SPG7: variants seen among roughly 807,000 people sequenced by gnomAD.
SPG7 encodes mitochondrial inner membrane m-AAA protease component paraplegin.
A neutral mutation model predicts 81.9 loss-of-function variants in SPG7; 103 were observed. The ratio of observed to expected loss-of-function variants is 1.26; its 90% confidence interval spans 1.07 to 1.48. The LOEUF is 1.48. Ranked by LOEUF, SPG7 falls within the 40% of genes most tolerant of loss-of-function variation. SPG7 has a pLI of 0.00. For missense variants in SPG7, 1,241 were observed against 1,087.3 expected (o/e 1.14, Z -1.99); for synonymous variants, 534 against 444.2 (o/e 1.20, Z -2.54).
At chr16:89,550,342 T>C in intron 12 of SPG7, 152 bp from the exon 13 acceptor site, 1 of 664,554 alleles carries the variant, frequency 1.5e-6, no homozygotes, top group Non-Finnish European at 2.8e-6. Context: ...CTAGCTAATT[T>C]TTCTATTTTT....
intron 3 of SPG7, chr16:89,521,830 G>A (rs1382294582): frequency 6.6e-6 from 1 of 152,250 alleles, no homozygotes; most frequent in Non-Finnish European, 1.5e-5. Flanking sequence ...TCACAGAGCT[G>A]AAGGAGCAGC....
intron 2 of SPG7, among the ~76,000 whole-genome samples, chr16:89,510,834 G>T (rs553505314): frequency 3.3e-5 from 5 of 152,148 alleles, no homozygotes; most frequent in Admixed American, 6.5e-5. Flanking sequence ...TCGGCTAATT[G>T]TTTTTTGTAG....
intron 3 of SPG7, chr16:89,523,034 C>G (rs1182208443): frequency 6.5e-6 from 1 of 154,460 alleles, no homozygotes; most frequent in Non-Finnish European, 1.4e-5. Context: ...ACCTGTCCAC[C>G]TCCCCTCGAG....
chr16:89,544,567 G>A (rs2058538923), intron 9 of SPG7, 81 bp from the exon 10 acceptor site: 25 of 1,542,830 alleles, frequency 1.6e-5, no homozygotes, highest in Non-Finnish European at 2.1e-5. Context: ...TCCCTCCTGT[G>A]TCCTGAAGGG....
In SPG7 at chr16:89,554,524, CGA is replaced by C; in HGVS notation, c.2145_2146del (p.Lys716GlyfsTer25). ...LLVAKAYRHT[E>X]KVLQDNLDKL... ...TGGTGGCCAAGGCCTACAGACACAC[CGA>C]GAAGGTGCTGCAGGACAACCTGGAC... On this transcript the variant is annotated frameshift_variant, in exon 16 of 17. Transcript: ENST00000645818. LOFTEE classifies it low-confidence loss of function (END_TRUNC). The C allele has an allele frequency of 6.2e-7, 1 of 1,609,626 alleles. No homozygotes were observed.
At chr16:89,517,610 CG>C (rs2058118658) in intron 3 of SPG7, 2 of 147,422 alleles carry the variant, frequency 1.4e-5, no homozygotes, top group African/African-American at 2.5e-5. Context: ...GAGTAATTGT[CG>C]TCGTCTTTTT....
At chr16:89,553,689 G>C in intron 14 of SPG7, 105 bp from the exon 15 acceptor site, 1 of 1,115,472 alleles carries the variant, frequency 9.0e-7, no homozygotes, top group Non-Finnish European at 1.4e-6. Context: ...GGAGGAAGGG[G>C]ATGGAGGTGG....
chr16:89,532,806 C>T lies in SPG7; in HGVS notation c.1324+170C>T, dbSNP rs973277608. On this transcript the variant is annotated intron_variant, in intron 9 of 16. Transcript: ENST00000645818. Reference sequence around the variant, plus strand: ...AAAATAGAAATGTAGCTTTCAGACCCGGCGCAGTGGCTCACGCCTGTAATC... The same window carrying T: ...AAAATAGAAATGTAGCTTTCAGACCTGGCGCAGTGGCTCACGCCTGTAATC... 47 of 802,308 alleles carry T rather than the reference C, an allele frequency of 5.9e-5. No homozygotes were observed. In the East Asian group the frequency reaches 1.1e-3, roughly 19 times the overall value. 49.7% of individuals were successfully genotyped at this position (802,308 alleles called of 1,614,324 possible).
intron 7 of SPG7, 33 bp from the exon 8 acceptor site, chr16:89,531,871 G>A (rs980276076): frequency 1.2e-6 from 2 of 1,613,206 alleles, no homozygotes; most frequent in East Asian, 4.5e-5. Context: ...GAATCCCCAA[G>A]TAGTTAGTGT....
intron 7 of SPG7, 32 bp downstream of exon 7, chr16:89,530,840 G>A: frequency 6.2e-7 from 1 of 1,613,274 alleles, no homozygotes; most frequent in Non-Finnish European, 8.5e-7. Context: ...AGGGAGGTGT[G>A]AGCAGAGGCC....
rs562098899 is a variant in SPG7, at chr16:89,522,141, T to G, written c.377-1865T>G. The stretch of plus-strand genomic sequence containing the variant: ...ATAATTGCCTTTGTGAATATGAAAT[T>G]TAAGTATTAGATGCACGATTAGGAT... On this transcript the variant is annotated intron_variant, in intron 3 of 16. Coordinates refer to ENST00000645818, the MANE Select transcript of SPG7 (RefSeq NM_003119.4). 6 of 152,344 alleles carry G rather than the reference T, an allele frequency of 3.9e-5. No homozygotes were observed. The East Asian group carries it at 1.2e-3, about 29-fold the overall frequency. 9.4% of individuals were successfully genotyped at this position (152,344 alleles called of 1,614,324 possible).
At chr16:89,533,126 T>G in intron 9 of SPG7, 1 of 154,468 alleles carries the variant, frequency 6.5e-6, no homozygotes, top group Non-Finnish European at 1.4e-5. Context: ...GTCAAGACAA[T>G]AGTAAAAAAG....
At chr16:89,536,600 GA>G (rs1439058920) in intron 9 of SPG7, among the ~76,000 whole-genome samples, 6 of 142,034 alleles carry the variant, frequency 4.2e-5, no homozygotes, top group African/African-American at 1.6e-4. Flanking sequence ...TGAGGCAGGT[GA>G]GGTGAGGTGG....
chr16:89,530,039 A>G (rs2058319567), intron 6 of SPG7: 1 of 298,912 alleles, frequency 3.3e-6, no homozygotes, highest in Non-Finnish European at 6.5e-6. Context: ...GGGTTTCTCC[A>G]TGTTGTTCAG....
At chr16:89,526,239 C>G in intron 4 of SPG7, 90 bp from the exon 5 acceptor site, 1 of 1,472,126 alleles carries the variant, frequency 6.8e-7, no homozygotes, top group Non-Finnish European at 9.5e-7. Context: ...GTTGTCATTA[C>G]CATGAGTTCC....
At position 89,548,113 on chromosome 16, in the gene SPG7, G is replaced by C. The variant is rs1567929709; in HGVS notation, c.1663G>C (p.Gly555Arg). The C allele has an allele frequency of 1.3e-6, 2 of 1,598,630 alleles. No individual in the cohort carries two copies. The highest frequency in any genetic ancestry group is 3.3e-5 in the Admixed American group (2 of 60,020). Reference sequence around the variant, plus strand: ...GTACGCCGTGGAGCGCGTCCTCGCAGGTACAGGGGGCGCGCCCTGGGTGAA... The same window carrying C: ...GTACGCCGTGGAGCGCGTCCTCGCACGTACAGGGGGCGCGCCCTGGGTGAA... Reference protein sequence around the residue: ...FEYAVERVLAGTAKKSKILSK... With the variant: ...FEYAVERVLARTAKKSKILSK... Residue 555 changes from glycine to arginine, a missense_variant and splice_region_variant, in exon 12 of 17, where the codon GGG becomes CGG. Coordinates refer to ENST00000645818, the MANE Select transcript of SPG7 (RefSeq NM_003119.4).
rs776505285 is a variant in SPG7, at chr16:89,510,570, A to G, written c.264A>G (p.Pro88=). 1 of 1,612,078 alleles carries G rather than the reference A, an allele frequency of 6.2e-7. No homozygotes were observed. Among genetic ancestry groups the G allele is most frequent in the East Asian group, 2.2e-5 (1 of 44,848 alleles). Reference sequence around the variant, plus strand: ...TGAAACAACATTTAGTTCAGAATCCAGTCAGACTCTGGCAACTTTTAGGTA... The same window carrying G: ...TGAAACAACATTTAGTTCAGAATCCGGTCAGACTCTGGCAACTTTTAGGTA... ...LLLKQHLVQN[P]VRLWQLLGGT... is the part of the protein sequence containing the mutation. The change falls in exon 2 of 17, where the codon CCA becomes CCG. Residue 88 remains proline (P), a synonymous_variant. Coordinates refer to ENST00000645818, the MANE Select transcript of SPG7 (RefSeq NM_003119.4).
At chr16:89,556,791 A>G (rs1285073565) in intron 16 of SPG7, 96 bp from the exon 17 acceptor site, 1 of 979,704 alleles carries the variant, frequency 1.0e-6, no homozygotes, top group Non-Finnish European at 1.7e-6. Flanking sequence ...TGTCCTGCAC[A>G]CAGACAGGCC....
At chr16:89,513,516 CAAA>C (rs757056122) in intron 3 of SPG7, among the ~76,000 whole-genome samples, 2 of 130,740 alleles carry the variant, frequency 1.5e-5, no homozygotes, top group Non-Finnish European at 3.3e-5. Context: ...AACTCCATCT[CAAA>C]AAAAAAAAAA....
Sources: gnomAD v4.1 joint callset for allele counts (sites outside exome capture counted in the v4.1 genomes callset) on GRCh38, gnomAD v4.1.1 for gene constraint, MANE v1.5 for transcripts, NCBI Gene and HGNC (gene_info 2026-07-23, HGNC 2026-07-21) for gene names.